The following ST18 variants were observed in gnomAD, a reference collection of about 807,000 sequenced individuals.
ST18 encodes suppression of tumorigenicity 18 protein.
Under a neutral mutation model 110.0 loss-of-function variants are expected in ST18, and 50 were observed. The ratio of observed to expected loss-of-function variants is 0.45; its 90% CI spans 0.36 to 0.58. ST18 has a LOEUF of 0.58. Among genes scored for constraint, ST18 ranks in the 20% least tolerant of loss-of-function variants. The pLI is 0.00. For synonymous variants in ST18, 461 were observed against 452.4 expected (o/e 1.02, Z -0.24); for missense variants, 1,306 against 1,280.1 (o/e 1.02, Z -0.31).
intron 2 of ST18, among the ~76,000 whole-genome samples, chr8:52,313,753 T>G (rs979438240): frequency 9.9e-5 from 15 of 152,098 alleles, no homozygotes; most frequent in African/African-American, 3.4e-4. Context: ...AGGCAATGGC[T>G]GAGGCTCAGA....
chr8:52,294,458 C>T (rs2095601676), intron 2 of ST18: 1 of 152,266 alleles, frequency 6.6e-6, no homozygotes, highest in South Asian at 2.1e-4. Context: ...GGACCAAGGC[C>T]CCCAGGAACT....
rs536880622 is a variant in ST18 at position 52,179,643 on chromosome 8, A to G, written c.277+479T>C. On this transcript the variant is annotated intron_variant, in intron 9 of 25. Coordinates refer to ENST00000689386, the MANE Select transcript of ST18 (RefSeq NM_001352837.2). ...TTATATTTTGGAGTAGAAACCATAC[A>G]TGTTGATAAAAAAAATTAAAAAAAA... Among the ~76,000 whole-genome samples the G allele has an allele frequency of 5.9e-5, 9 of 152,236 alleles. No homozygotes were observed. In the South Asian group the frequency reaches 1.9e-3, roughly 32 times the overall value.
At chr8:52,205,829 A>C (rs1159499168) in intron 8 of ST18, among the ~76,000 whole-genome samples, 1 of 152,128 alleles carries the variant, frequency 6.6e-6, no homozygotes, top group Non-Finnish European at 1.5e-5. Context: ...TAGCCTCCCA[A>C]AGTGCTGGGA....
intron 2 of ST18, among the ~76,000 whole-genome samples, chr8:52,233,051 C>T (rs946636527): frequency 2.6e-5 from 4 of 152,042 alleles, no homozygotes; most frequent in African/African-American, 9.7e-5. Context: ...TTTTAAAAAG[C>T]TACTTTAAAA....
chr8:52,218,381 T>C (rs2085206735), intron 5 of ST18, among the ~76,000 whole-genome samples: 2 of 138,138 alleles, frequency 1.4e-5, no homozygotes, highest in South Asian at 2.2e-4. Flanking sequence ...AGCTACTCTT[T>C]TTTTTTCTTT....
chr8:52,116,022 G>A (rs1180339536), intron 25 of ST18, among the ~76,000 whole-genome samples: 1 of 152,016 alleles, frequency 6.6e-6, no homozygotes, highest in Non-Finnish European at 1.5e-5. Context: ...TGTGAACCGA[G>A]CTTTAAAAAA....
intron 2 of ST18, among the ~76,000 whole-genome samples, chr8:52,287,888 C>G (rs1324947880): frequency 6.6e-6 from 1 of 152,170 alleles, no homozygotes; most frequent in African/African-American, 2.4e-5. Flanking sequence ...CTTCTGAGGG[C>G]TTCAAACAAG....
At chr8:52,292,190 A>G (rs553380696) in intron 2 of ST18, among the ~76,000 whole-genome samples, 1 of 152,338 alleles carries the variant, frequency 6.6e-6, no homozygotes, top group South Asian at 2.1e-4. Flanking sequence ...ATGCATTAAT[A>G]TTGAAAAAAC....
At chr8:52,238,728 GA>G (rs1371771660) in intron 2 of ST18, among the ~76,000 whole-genome samples, 2 of 151,940 alleles carry the variant, frequency 1.3e-5, no homozygotes, top group African/African-American at 4.8e-5. Context: ...AATGGAACTA[GA>G]TGCCATTATC....
At chr8:52,335,968 G>C (rs1235947698) in intron 2 of ST18, among the ~76,000 whole-genome samples, 1 of 151,926 alleles carries the variant, frequency 6.6e-6, no homozygotes, top group African/African-American at 2.4e-5. Context: ...GCCCCCATCT[G>C]TCTCCCCTCT....
intron 2 of ST18, among the ~76,000 whole-genome samples, chr8:52,298,248 A>G (rs182360175): frequency 1.3e-5 from 2 of 152,338 alleles, no homozygotes; most frequent in African/African-American, 4.8e-5. Flanking sequence ...AAAGGCTGAG[A>G]GAAACAATCT....
At chr8:52,178,614 C>CAAAAAAA (rs869184166) in intron 9 of ST18, among the ~76,000 whole-genome samples, 1 of 2,384 alleles carries the variant, frequency 4.2e-4, no homozygotes, top group African/African-American at 2.4e-3. Context: ...GAGACTCCAT[C>CAAAAAAA]AAAAAAAAAA....
intron 2 of ST18, among the ~76,000 whole-genome samples, chr8:52,241,764 T>C (rs2137637170): frequency 6.6e-6 from 1 of 152,336 alleles, no homozygotes; most frequent in East Asian, 1.9e-4. Flanking sequence ...ACATGAAAAA[T>C]ACAAAATCAT....
intron 25 of ST18, among the ~76,000 whole-genome samples, chr8:52,115,439 T>C (rs977893969): frequency 3.3e-5 from 5 of 152,244 alleles, no homozygotes; most frequent in African/African-American, 1.2e-4. Context: ...ACTGAATATA[T>C]GATGATAGTC....
intron 8 of ST18, among the ~76,000 whole-genome samples, chr8:52,192,878 T>C (rs1244839779): frequency 6.6e-6 from 1 of 152,192 alleles, no homozygotes; most frequent in Non-Finnish European, 1.5e-5. Flanking sequence ...ACCTGGGTTC[T>C]TGTTGCTGAG....
chr8:52,130,163 GAAAA>G (rs373425785), intron 22 of ST18, among the ~76,000 whole-genome samples: 11,752 of 143,842 alleles, frequency 0.082, 593 homozygotes, highest in Non-Finnish European at 0.093. Context: ...AAGAAAGAAA[GAAAA>G]AGAAAAGAAA....
At chr8:52,341,227 T>A (rs1814844119) in intron 2 of ST18, among the ~76,000 whole-genome samples, 1 of 152,216 alleles carries the variant, frequency 6.6e-6, no homozygotes, top group Non-Finnish European at 1.5e-5. Flanking sequence ...CTTTTCACTT[T>A]GGAGACCCCA....
chr8:52,399,179 C>G (rs1329347873), intron 2 of ST18, among the ~76,000 whole-genome samples: 1 of 151,950 alleles, frequency 6.6e-6, no homozygotes, highest in Non-Finnish European at 1.5e-5. Context: ...TTATATTTTT[C>G]TATAAATTTA....
chr8:52,331,984 GA>G lies in ST18; in HGVS notation c.-465+77343del, dbSNP rs1809659403. On this transcript the variant is annotated intron_variant, in intron 2 of 25. Coordinates refer to ENST00000689386, the MANE Select transcript of ST18 (RefSeq NM_001352837.2). ...GCAATTTTGTCAAATAATTCTGTGT[GA>G]AAAAGTATATGTAAATATATATTTA... Among the ~76,000 whole-genome samples, 6 of 151,866 alleles carry G rather than the reference GA, an allele frequency of 4.0e-5. 1 individual carries two copies. The South Asian group carries it at 1.2e-3, about 31-fold the overall frequency.
Sources: allele counts gnomAD v4.1 joint callset (sites outside exome capture counted in the v4.1 genomes callset), GRCh38; gene constraint gnomAD v4.1.1; transcripts MANE v1.5; gene names NCBI Gene and HGNC (gene_info 2026-07-23, HGNC 2026-07-21).